DAPP1: variants seen among roughly 807,000 people sequenced by gnomAD.
DAPP1 encodes the protein dual adaptor of phosphotyrosine and 3-phosphoinositides 1.
DAPP1 carries 20 observed loss-of-function variants against 41.5 expected under a neutral mutation model. The observed-to-expected ratio is 0.48, with a 90% CI of 0.34 to 0.70. The LOEUF (loss-of-function observed/expected upper bound fraction) is 0.70. Ranked by LOEUF, DAPP1 falls within the 30% of genes least tolerant of loss-of-function variation. DAPP1 has a pLI of 0.01. For synonymous variants in DAPP1, 113 were observed against 116.2 expected (o/e 0.97, Z 0.18); for missense variants, 233 against 333.4 (o/e 0.70, Z 2.35).
chr4:99,843,385 T>C (rs1723559260), intron 3 of DAPP1, among the ~76,000 whole-genome samples: 1 of 152,242 alleles, frequency 6.6e-6, no homozygotes, highest in South Asian at 2.1e-4. Flanking sequence ...ATTAATGCTA[T>C]TTTAAGATAT....
chr4:99,853,075 T>A, intron 3 of DAPP1, 143 bp from the exon 4 acceptor site: 1 of 902,262 alleles, frequency 1.1e-6, no homozygotes, highest in South Asian at 1.8e-5. Flanking sequence ...ACCTAATTGG[T>A]ATTTGATAAC....
intron 2 of DAPP1, among the ~76,000 whole-genome samples, chr4:99,836,014 G>A (rs569682936): frequency 2.4e-4 from 36 of 152,282 alleles, no homozygotes; most frequent in South Asian, 8.3e-4. Flanking sequence ...AACCCAAAGC[G>A]GTGGAATGTC....
intron 1 of DAPP1, among the ~76,000 whole-genome samples, chr4:99,831,195 C>G (rs1052617645): frequency 7.9e-5 from 12 of 152,092 alleles, no homozygotes; most frequent in Admixed American, 1.3e-4. Flanking sequence ...ACATTTGGTG[C>G]CTGCAACTAG....
At chr4:99,853,688 A>G (rs1401694170) in intron 4 of DAPP1, among the ~76,000 whole-genome samples, 2 of 152,148 alleles carry the variant, frequency 1.3e-5, no homozygotes, top group Non-Finnish European at 2.9e-5. Context: ...GCATGGTGGC[A>G]TGCACCTGTA....
rs1723455142 is a variant in DAPP1 at position 99,840,393 on chromosome 4, C to T, written c.329C>T (p.Ala110Val). 6.2e-7 allele frequency: 1 copy of T among 1,611,472 alleles called. No homozygotes were observed. Among genetic ancestry groups the T allele is most frequent in the Non-Finnish European group, 8.5e-7 (1 of 1,179,122 alleles). The change falls in exon 3 of 9, where the codon GCA becomes GTA. Residue 110 changes from alanine to valine, a missense_variant. Physicochemically the swap from Ala to Val is moderately conservative, Grantham distance 64 (BLOSUM62 0). Transcript: ENST00000512369. ...SSLKDFVKHF[A>V]NQPLIGSETG... ...TTGAAGGATTTTGTCAAGCATTTTG[C>T]AAATCAGCCTTTGATTGGAAGCGAG...
chr4:99,831,354 G>C (rs1012652351), intron 1 of DAPP1, among the ~76,000 whole-genome samples: 1 of 152,160 alleles, frequency 6.6e-6, no homozygotes, highest in Non-Finnish European at 1.5e-5. Flanking sequence ...TCATTTGTAG[G>C]ATGTTAAGCA....
chr4:99,819,025 G>C (rs1418795267), intron 1 of DAPP1, among the ~76,000 whole-genome samples: 1 of 152,192 alleles, frequency 6.6e-6, no homozygotes, highest in Non-Finnish European at 1.5e-5. Context: ...TTTTAAGTCT[G>C]TTGGGTGTGT....
intron 5 of DAPP1, among the ~76,000 whole-genome samples, chr4:99,862,564 A>C (rs141484256): frequency 1.8e-3 from 274 of 152,266 alleles, no homozygotes; most frequent in African/African-American, 6.1e-3. Flanking sequence ...CTCCAATGAT[A>C]GTATATCGTC....
At chr4:99,822,227 T>C (rs1722796853) in intron 1 of DAPP1, among the ~76,000 whole-genome samples, 2 of 152,178 alleles carry the variant, frequency 1.3e-5, no homozygotes, top group South Asian at 2.1e-4. Context: ...AGACTGTCCA[T>C]GTTGTGGGGA....
chr4:99,868,625 A>T lies in DAPP1; in HGVS notation c.*440A>T, dbSNP rs1489298052. ...ACTTGGAGGCTTAGATGACTTCTGCAGGATTTATATTCAGATAGAAAACAT... is the reference window on the plus strand; with the variant it reads ...ACTTGGAGGCTTAGATGACTTCTGCTGGATTTATATTCAGATAGAAAACAT... On this transcript the variant is annotated 3_prime_UTR_variant, in exon 9 of 9. Coordinates refer to ENST00000512369, the MANE Select transcript of DAPP1 (RefSeq NM_014395.3). The T allele has an allele frequency of 6.5e-6, 1 of 153,686 alleles. No individual in the cohort carries two copies. The highest frequency in any genetic ancestry group is 1.9e-4 in the East Asian group (1 of 5,250). 9.5% of individuals were successfully genotyped at this position (153,686 alleles called of 1,614,324 possible). A position where few individuals can be genotyped will look rare whatever the true frequency, so the allele number is the denominator to read the frequency against.
chr4:99,827,677 A>C (rs1198695023), intron 1 of DAPP1, among the ~76,000 whole-genome samples: 1 of 152,232 alleles, frequency 6.6e-6, no homozygotes, highest in African/African-American at 2.4e-5. Context: ...AAACTAATGC[A>C]TTCTCGGGCT....
chr4:99,825,333 A>C (rs1201226270), intron 1 of DAPP1, among the ~76,000 whole-genome samples: 1 of 152,092 alleles, frequency 6.6e-6, no homozygotes, highest in Non-Finnish European at 1.5e-5. Context: ...CGTCTTCCAG[A>C]GCTTCTTGCA....
At chr4:99,862,142 GACCTTC>G (rs932120541) in intron 5 of DAPP1, among the ~76,000 whole-genome samples, 1 of 152,124 alleles carries the variant, frequency 6.6e-6, no homozygotes, top group Admixed American at 6.5e-5. Flanking sequence ...GTGCCAAGAA[GACCTTC>G]ATGGAATGTG....
chr4:99,843,752 T>C (rs1362577271), intron 3 of DAPP1, among the ~76,000 whole-genome samples: 1 of 152,240 alleles, frequency 6.6e-6, no homozygotes, highest in East Asian at 1.9e-4. Context: ...TTTAAAAAAA[T>C]ACCTTTTTTT....
rs747880443 is a variant in DAPP1, at chr4:99,816,980, T to G, written c.67T>G (p.Ser23Ala). 1 of 1,606,752 alleles carries G rather than the reference T, an allele frequency of 6.2e-7. No individual in the cohort carries two copies. The highest frequency in any genetic ancestry group is 8.5e-7 in the Non-Finnish European group (1 of 1,176,812). ...GGATCCCTCAGATCTGTGGAGCAGATCCGATGGAGAGGCTGAGCTGCTCCA... is the reference window on the plus strand; with the variant it reads ...GGATCCCTCAGATCTGTGGAGCAGAGCCGATGGAGAGGCTGAGCTGCTCCA... ...TQDPSDLWSR[S>A]DGEAELLQDL... The change falls in exon 1 of 9, where the codon TCC becomes GCC. Residue 23 changes from serine (S) to alanine (A), a missense_variant. Coordinates refer to ENST00000512369, the MANE Select transcript of DAPP1 (RefSeq NM_014395.3).
intron 8 of DAPP1, among the ~76,000 whole-genome samples, chr4:99,867,202 C>T (rs1343280646): frequency 6.6e-6 from 1 of 152,024 alleles, no homozygotes. Flanking sequence ...ATAAGTATAC[C>T]ATTCATTTTT....
At chr4:99,849,475 A>C (rs931852451) in intron 3 of DAPP1, among the ~76,000 whole-genome samples, 2 of 152,190 alleles carry the variant, frequency 1.3e-5, no homozygotes, top group African/African-American at 4.8e-5. Flanking sequence ...GGTGCGCTGA[A>C]GAGGCTCACA....
At chr4:99,861,992 C>G (rs1373934883) in intron 5 of DAPP1, among the ~76,000 whole-genome samples, 1 of 152,112 alleles carries the variant, frequency 6.6e-6, no homozygotes, top group African/African-American at 2.4e-5. Context: ...TAAGGATAGG[C>G]CAAAAACATC....
chr4:99,871,766 C>T (rs1158161289), downstream of DAPP1, among the ~76,000 whole-genome samples: 2 of 152,180 alleles, frequency 1.3e-5, no homozygotes, highest in Non-Finnish European at 2.9e-5. Flanking sequence ...TGATGGAATA[C>T]AGGCATCATT....
Sources: gnomAD v4.1 joint callset for allele counts (sites outside exome capture counted in the v4.1 genomes callset) on GRCh38, gnomAD v4.1.1 for gene constraint, MANE v1.5 for transcripts, NCBI Gene and HGNC (gene_info 2026-07-23, HGNC 2026-07-21) for gene names.